Variants in DNAH3 observed in about 807,000 individuals in gnomAD.
DNAH3 encodes the protein dynein axonemal heavy chain 3.
A neutral mutation model predicts 432.5 loss-of-function variants in DNAH3; 332 were observed. That is an observed-to-expected ratio of 0.77 (90% CI 0.70 to 0.84). DNAH3 has a LOEUF of 0.84. Ranked by LOEUF, DNAH3 falls within the 40% of genes least tolerant of loss-of-function variation. The pLI, the probability that DNAH3 is intolerant of heterozygous loss-of-function variation, is 0.00. For missense variants in DNAH3, 4,861 were observed against 5,114.0 expected (o/e 0.95, Z 1.51); for synonymous variants, 1,956 against 1,900.2 (o/e 1.03, Z -0.76).
At chr16:21,031,413 T>A in intron 36 of DNAH3, 127 bp from the exon 37 acceptor site, 1 of 1,205,808 alleles carries the variant, frequency 8.3e-7, no homozygotes, top group South Asian at 1.5e-5. Context: ...GTCCTTCTTA[T>A]AAAACATGTG....
At position 21,031,145 on chromosome 16, in the gene DNAH3, G is replaced by T. The variant is rs79095383; in HGVS notation, c.5339C>A (p.Ala1780Glu). The change falls in exon 37 of 62, where the codon GCG becomes GAG. Residue 1780 changes from alanine (A) to glutamate (E), a missense_variant. Physicochemically the swap from Ala to Glu is moderately radical, Grantham distance 107. Coordinates refer to ENST00000261383, the Ensembl canonical transcript of DNAH3. Reference sequence around the variant, plus strand: ...CTTGCGATCATCAGAGAGTGAAGACGCTTGCTCCCGGAAAGCATTGGCAAG... The same window carrying T: ...CTTGCGATCATCAGAGAGTGAAGACTCTTGCTCCCGGAAAGCATTGGCAAG... 4 of 1,613,988 alleles carry T rather than the reference G, an allele frequency of 2.5e-6. No homozygotes were observed. In the African/African-American group the frequency reaches 5.3e-5, roughly 22 times the overall value.
intron 43 of DNAH3, among the ~76,000 whole-genome samples, chr16:20,997,962 G>A (rs1210489621): frequency 6.6e-6 from 1 of 151,884 alleles, no homozygotes. Flanking sequence ...AGCCAAGATT[G>A]TGCCACTGCA....
intron 42 of DNAH3, 40 bp from the exon 43 acceptor site, chr16:21,000,558 C>G: frequency 1.9e-6 from 3 of 1,544,450 alleles, no homozygotes; most frequent in Middle Eastern, 1.7e-4. Context: ...GTTGTGGGCC[C>G]AGGAAGCTGG....
intron 49 of DNAH3, among the ~76,000 whole-genome samples, chr16:20,980,936 A>G (rs1185035071): frequency 6.6e-6 from 1 of 152,188 alleles, no homozygotes; most frequent in Non-Finnish European, 1.5e-5. Context: ...TAGTGCAAAA[A>G]CAGCCACAGA....
intron 41 of DNAH3, among the ~76,000 whole-genome samples, 166 bp from the exon 42 acceptor site, chr16:21,003,373 AAAC>A (rs1403037893): frequency 2.0e-5 from 3 of 152,266 alleles, no homozygotes; most frequent in Non-Finnish European, 4.4e-5. Context: ...GTATAAACTG[AAAC>A]AACACTTTTT....
At chr16:21,002,444 G>GTTGTTATTATTATTA (rs1379704010) in intron 42 of DNAH3, among the ~76,000 whole-genome samples, 2 of 146,896 alleles carry the variant, frequency 1.4e-5, no homozygotes, top group African/African-American at 2.5e-5. Context: ...ATCTGGTGTT[G>GTTGTTATTATTATTA]TTATTATTAT....
intron 41 of DNAH3, among the ~76,000 whole-genome samples, chr16:21,005,259 T>G (rs2087231480): frequency 6.8e-6 from 1 of 146,110 alleles, no homozygotes; most frequent in African/African-American, 2.5e-5. Flanking sequence ...TCTTCCTTCC[T>G]TCCCTCCCTT....
intron 7 of DNAH3, among the ~76,000 whole-genome samples, chr16:21,132,000 G>C (rs1302793153): frequency 6.6e-6 from 1 of 152,116 alleles, no homozygotes; most frequent in South Asian, 2.1e-4. Flanking sequence ...CATTCTATAA[G>C]TTATTACTTT....
intron 44 of DNAH3, among the ~76,000 whole-genome samples, chr16:20,992,682 T>C (rs1428775990): frequency 1.3e-5 from 2 of 152,226 alleles, no homozygotes; most frequent in African/African-American, 4.8e-5. Flanking sequence ...CAATCAGCCA[T>C]TTCTTTAAGA....
intron 21 of DNAH3, among the ~76,000 whole-genome samples, chr16:21,074,247 G>T (rs73542609): frequency 0.024 from 3,587 of 152,160 alleles, 149 homozygotes; most frequent in African/African-American, 0.081. Flanking sequence ...GAAGGAGGGA[G>T]GCTTGGGAGC....
rs368372136 is a variant in DNAH3, at chr16:20,964,479, A to T, written c.9405T>A (p.Asp3135Glu). The change falls in exon 53 of 62, where the codon GAT becomes GAA. Residue 3135 changes from aspartate (D) to glutamate (E), a missense_variant. Physicochemically the swap from Asp to Glu is conservative, Grantham distance 45. Transcript: ENST00000261383. ...TGAGCAAGATAGGTTCGATAGAAGCATCCAGCTCTTCTCCAATGTTTTCAA... is the reference window on the plus strand; with the variant it reads ...TGAGCAAGATAGGTTCGATAGAAGCTTCCAGCTCTTCTCCAATGTTTTCAA... The T allele has an allele frequency of 1.3e-5, 21 of 1,614,126 alleles. No homozygotes were observed. The highest frequency in any genetic ancestry group is 1.7e-5 in the Non-Finnish European group (20 of 1,180,048).
exon 61 of DNAH3, chr16:20,935,395 C>T (rs1240741767): frequency 8.1e-6 from 13 of 1,613,638 alleles, no homozygotes; most frequent in Non-Finnish European, 1.1e-5. Context: ...TATTTCCGGG[C>T]ATAATTTTGA....
At chr16:21,042,291 AAG>A in intron 31 of DNAH3, 88 bp from the exon 32 acceptor site, 1 of 1,394,072 alleles carries the variant, frequency 7.2e-7, no homozygotes, top group African/African-American at 1.4e-5. Flanking sequence ...ATAGCAAAGA[AAG>A]AACCCAATCA....
At chr16:20,981,297 T>C (rs2085885447) in intron 49 of DNAH3, among the ~76,000 whole-genome samples, 1 of 152,202 alleles carries the variant, frequency 6.6e-6, no homozygotes, top group Non-Finnish European at 1.5e-5. Flanking sequence ...ATCCACCCAC[T>C]GAATTCTACC....
In DNAH3 at chr16:21,031,399, G is replaced by A. The variant is rs530013713; in HGVS notation, c.5198-113C>T. On this transcript the variant is annotated intron_variant, in intron 36 of 61. Transcript: ENST00000261383. The stretch of plus-strand genomic sequence containing the variant: ...AACTTTTATAAATATGCCATATGAG[G>A]GAAGTCCTTCTTATAAAACATGTGC... The A allele has an allele frequency of 2.1e-4, 279 of 1,344,014 alleles. 1 individual carries two copies. In the African/African-American group the frequency reaches 3.5e-3, roughly 17 times the overall value. 83.3% of individuals were successfully genotyped at this position (1,344,014 alleles called of 1,614,324 possible).
At chr16:21,025,313 AT>A (rs1362401937) in intron 38 of DNAH3, among the ~76,000 whole-genome samples, 1 of 149,750 alleles carries the variant, frequency 6.7e-6, no homozygotes, top group Non-Finnish European at 1.5e-5. Flanking sequence ...TATAGATAAT[AT>A]TTTGATCTTA....
rs1197284833 is a variant in DNAH3 at position 20,969,931 on chromosome 16, A to G, written c.8319T>C (p.Ala2773=). Residue 2773 remains alanine, a synonymous_variant, in exon 52 of 62, where the codon GCT becomes GCC. Coordinates refer to ENST00000261383, the Ensembl canonical transcript of DNAH3. ...TGTCGGCCGGGTTCAGGGTGTCCAG[A>G]GCAGCTAGTGCAGCCTCGAGTGCAG... The G allele has an allele frequency of 9.3e-6, 15 of 1,614,102 alleles. No homozygotes were observed. In the South Asian group the frequency reaches 1.5e-4, roughly 17 times the overall value.
intron 59 of DNAH3, among the ~76,000 whole-genome samples, chr16:20,939,386 C>A (rs925232703): frequency 9.2e-5 from 14 of 152,036 alleles, no homozygotes; most frequent in Admixed American, 7.9e-4. Flanking sequence ...CCAAGGTGGG[C>A]GGATCACCTG....
At chr16:21,159,329 A>G in exon 1 of DNAH3, 4 of 1,613,854 alleles carry the variant, frequency 2.5e-6, no homozygotes, top group Non-Finnish European at 3.4e-6. Context: ...CTCCACCTGC[A>G]TTTCACTCCC....
Sources: gnomAD v4.1 joint callset for allele counts (sites outside exome capture counted in the v4.1 genomes callset) on GRCh38, gnomAD v4.1.1 for gene constraint, MANE v1.5 for transcripts, NCBI Gene and HGNC (gene_info 2026-07-23, HGNC 2026-07-21) for gene names.